RPL13A: variants seen among roughly 807,000 people sequenced by gnomAD.
The protein encoded by RPL13A is ribosomal protein L13a.
A neutral mutation model predicts 30.8 loss-of-function variants in RPL13A; 4 were observed. The ratio of observed to expected loss-of-function variants is 0.13; its 90% CI spans 0.06 to 0.30. RPL13A has a LOEUF of 0.30. Ranked by LOEUF, RPL13A falls within the 10% of genes least tolerant of loss-of-function variation. RPL13A has a pLI of 1.00. For synonymous variants in RPL13A, 108 were observed against 104.2 expected (o/e 1.04, Z -0.22); for missense variants, 196 against 272.6 (o/e 0.72, Z 1.98).
chr19:49,487,669 C>G (rs1191569538), intron 1 of RPL13A, 25 bp downstream of exon 1: 2 of 1,518,350 alleles, frequency 1.3e-6, no homozygotes, highest in South Asian at 2.5e-5. Context: ...CGGGCCGGGG[C>G]GGCAAGGGGC....
In RPL13A at chr19:49,490,935, T is replaced by C. The variant is rs755712998; in HGVS notation, c.342+71T>C. The C allele has an allele frequency of 2.5e-6, 4 of 1,602,202 alleles. No individual in the cohort carries two copies. The East Asian group carries it at 6.7e-5, about 27-fold the overall frequency. On this transcript the variant is annotated intron_variant, in intron 5 of 7. Transcript: ENST00000391857. Reference sequence around the variant, plus strand: ...CCATGATGTTCCGCAACTACCTACATTGTTTGATCCTCATGAAAGCAGCAC... The same window carrying C: ...CCATGATGTTCCGCAACTACCTACACTGTTTGATCCTCATGAAAGCAGCAC...
chr19:49,491,418 C>T lies in RPL13A; in HGVS notation c.403-7C>T, dbSNP rs748021539. The T allele has an allele frequency of 1.2e-5, 14 of 1,168,038 alleles. 1 individual carries two copies. Among genetic ancestry groups the T allele is most frequent in the Admixed American group, 2.4e-5 (1 of 42,274 alleles). The allele number at this position is 1,168,038 out of a possible 1,614,324, so 72.4% of individuals were successfully genotyped here. ...CATTTGTTCACCCCCCCCCCCCCCC[C>T]CCGCAGTTTGCCTATCTGGGGCGCC... On this transcript the variant is annotated splice_region_variant and splice_polypyrimidine_tract_variant and intron_variant, in intron 6 of 7. Transcript: ENST00000391857.
At position 49,487,640 on chromosome 19, in the gene RPL13A, T is replaced by G. The variant is rs973660731; in HGVS notation, c.11T>G (p.Val4Gly). ...AAGCGGCTGCCGAAGATGGCGGAGG[T>G]GCAGGTATGGGCTCCGCGCGGGCCG... is the stretch of plus-strand genomic sequence containing the variant. Reference protein sequence around the residue: MAEVQVLVLDGRGH... With the variant: MAEGQVLVLDGRGH... The change falls in exon 1 of 8, where the codon GTG becomes GGG. Residue 4 changes from valine (V) to glycine (G), a missense_variant. Val to Gly is a moderately radical substitution (Grantham distance 109). Coordinates refer to ENST00000391857, the MANE Select transcript of RPL13A (RefSeq NM_012423.4). 1.3e-6 allele frequency: 2 copies of G among 1,570,126 alleles called. No homozygotes were observed. The highest frequency in any genetic ancestry group is 3.8e-5 in the Admixed American group (2 of 52,662).
At chr19:49,487,828 G>A (rs1465540066) in intron 1 of RPL13A, among the ~76,000 whole-genome samples, 184 bp downstream of exon 1, 1 of 152,234 alleles carries the variant, frequency 6.6e-6, no homozygotes. Context: ...CCTAGGGTTG[G>A]CTACAATGTG....
chr19:49,491,905 C>A lies in RPL13A; in HGVS notation c.*90C>A. On this transcript the variant is annotated 3_prime_UTR_variant, in exon 8 of 8. Coordinates refer to ENST00000391857, the MANE Select transcript of RPL13A (RefSeq NM_012423.4). ...TACGGGACCCAGGGGCAGCAGCAGT[C>A]CAGGTGCCACAGGCAGCCCTGGGAC... 3.9e-6 allele frequency: 4 copies of A among 1,017,928 alleles called. No individual in the cohort carries two copies. Among genetic ancestry groups the A allele is most frequent in the Non-Finnish European group, 5.9e-6 (4 of 673,636 alleles). The allele number at this position is 1,017,928 out of a possible 1,614,324, so 63.1% of individuals were successfully genotyped here.
intron 5 of RPL13A, 33 bp from the exon 6 acceptor site, chr19:49,491,007 C>T (rs1160107582): frequency 6.2e-7 from 1 of 1,613,770 alleles, no homozygotes; most frequent in Non-Finnish European, 8.5e-7. Context: ...TCTGTCCCTC[C>T]CGGGCTCTTA....
At position 49,490,843 on chromosome 19, in the gene RPL13A, C is replaced by T. The variant is rs2079859405; in HGVS notation, c.321C>T (p.Gly107=). The change falls in exon 5 of 8, where the codon GGC becomes GGT. Residue 107 remains glycine (G), a synonymous_variant. Transcript: ENST00000391857. ...TGGACCGTCTCAAGGTGTTTGACGG[C>T]ATCCCACCGCCCTACGACAAGGTGA... ...AALDRLKVFD[G]IPPPYDKKKR... is the part of the protein sequence containing the mutation. The T allele has an allele frequency of 6.2e-7, 1 of 1,614,006 alleles. No individual in the cohort carries two copies. The highest frequency in any genetic ancestry group is 1.3e-5 in the African/African-American group (1 of 74,938).
Position 49,491,278 on chromosome 19 carries a change from T to C in RPL13A, c.403-147T>C, listed in dbSNP as rs572695777. ...GCCAGGAGGCTTGGGTGGGTGCTTT[T>C]CTAACAGGCCTGCAGAGAACAGTTG... On this transcript the variant is annotated intron_variant, in intron 6 of 7. Transcript: ENST00000391857. The C allele has an allele frequency of 1.2e-5, 14 of 1,169,472 alleles. No homozygotes were observed. The Admixed American group carries it at 1.5e-4, about 13-fold the overall frequency. The allele number at this position is 1,169,472 out of a possible 1,614,324, so 72.4% of individuals were successfully genotyped here. A position where few individuals can be genotyped will look rare whatever the true frequency, so the allele number is the denominator to read the frequency against.
rs933114870 is a variant in RPL13A, at chr19:49,489,717, A to G, written c.16-133A>G. 5 of 756,668 alleles carry G rather than the reference A, an allele frequency of 6.6e-6. No homozygotes were observed. In the African/African-American group the frequency reaches 6.8e-5, roughly 10 times the overall value. The allele number at this position is 756,668 out of a possible 1,614,324, so 46.9% of individuals were successfully genotyped here. A position where few individuals can be genotyped will look rare whatever the true frequency, so the allele number is the denominator to read the frequency against. Reference sequence around the variant, plus strand: ...TCATCTGTAGAACGGGGCTCCGTGCATAGTTCCCAGCTCTGATGGCTGGGT... The same window carrying G: ...TCATCTGTAGAACGGGGCTCCGTGCGTAGTTCCCAGCTCTGATGGCTGGGT... On this transcript the variant is annotated intron_variant, in intron 1 of 7. Coordinates refer to ENST00000391857, the MANE Select transcript of RPL13A (RefSeq NM_012423.4).
At chr19:49,488,383 T>A (rs752521316) in intron 1 of RPL13A, among the ~76,000 whole-genome samples, 32 of 152,206 alleles carry the variant, frequency 2.1e-4, no homozygotes, top group Non-Finnish European at 3.4e-4. Flanking sequence ...CTGGAAAGGT[T>A]TCTTTGTGAG....
At chr19:49,490,352 GCT>G in intron 3 of RPL13A, 55 bp downstream of exon 3, 1 of 1,598,536 alleles carries the variant, frequency 6.3e-7, no homozygotes, top group South Asian at 1.1e-5. Flanking sequence ...GGGTGTTGAG[GCT>G]CTGAAAGCAA....
In RPL13A at chr19:49,491,915, C is replaced by G; in HGVS notation, c.*100C>G. 1.1e-6 allele frequency: 1 copy of G among 922,100 alleles called. No individual in the cohort carries two copies. Among genetic ancestry groups the G allele is most frequent in the Non-Finnish European group, 1.7e-6 (1 of 589,878 alleles). 57.1% of individuals were successfully genotyped at this position (922,100 alleles called of 1,614,324 possible). A position where few individuals can be genotyped will look rare whatever the true frequency, so the allele number is the denominator to read the frequency against. On this transcript the variant is annotated 3_prime_UTR_variant, in exon 8 of 8. Coordinates refer to ENST00000391857, the MANE Select transcript of RPL13A (RefSeq NM_012423.4). ...AGGGGCAGCAGCAGTCCAGGTGCCACAGGCAGCCCTGGGACATAGGAAGCT... is the reference window on the plus strand; with the variant it reads ...AGGGGCAGCAGCAGTCCAGGTGCCAGAGGCAGCCCTGGGACATAGGAAGCT...
chr19:49,489,650 T>C (rs2079844302), intron 1 of RPL13A, among the ~76,000 whole-genome samples, 200 bp from the exon 2 acceptor site: 1 of 152,250 alleles, frequency 6.6e-6, no homozygotes, highest in Admixed American at 6.5e-5. Flanking sequence ...AACTGCTCAC[T>C]CACTGATCCT....
intron 1 of RPL13A, among the ~76,000 whole-genome samples, chr19:49,489,268 C>A (rs1357512285): frequency 6.6e-6 from 1 of 152,054 alleles, no homozygotes; most frequent in African/African-American, 2.4e-5. Flanking sequence ...GGCCGAGGCA[C>A]ACGGTTCACT....
intron 1 of RPL13A, among the ~76,000 whole-genome samples, chr19:49,489,519 T>C (rs1185355608): frequency 2.0e-5 from 3 of 152,160 alleles, no homozygotes; most frequent in African/African-American, 7.2e-5. Flanking sequence ...GTCTTGTAAC[T>C]GGGTAGTCAG....
chr19:49,490,737 TATG>T (rs912771377), intron 4 of RPL13A, 39 bp from the exon 5 acceptor site: 2 of 1,608,460 alleles, frequency 1.2e-6, no homozygotes, highest in African/African-American at 2.7e-5. Context: ...TGGGCATCCT[TATG>T]AGGCCCTCTG....
At chr19:49,488,464 T>C (rs2068743418) in intron 1 of RPL13A, among the ~76,000 whole-genome samples, 1 of 152,212 alleles carries the variant, frequency 6.6e-6, no homozygotes, top group Admixed American at 6.5e-5. Flanking sequence ...ACCAAGCATG[T>C]GTCTTTGTGC....
At chr19:49,488,499 G>T (rs146644364) in intron 1 of RPL13A, among the ~76,000 whole-genome samples, 3 of 152,196 alleles carry the variant, frequency 2.0e-5, no homozygotes, top group Admixed American at 6.5e-5. Flanking sequence ...AATGTTTTGC[G>T]TAGTTCAGTT....
chr19:49,490,066 G>C (rs1291555763), intron 2 of RPL13A, 144 bp downstream of exon 2: 2 of 1,006,270 alleles, frequency 2.0e-6, no homozygotes, highest in East Asian at 4.7e-5. Context: ...CTCTTCCCCA[G>C]GGTTGGGGAC....
Sources: gnomAD v4.1 joint callset for allele counts (sites outside exome capture counted in the v4.1 genomes callset) on GRCh38, gnomAD v4.1.1 for gene constraint, MANE v1.5 for transcripts, NCBI Gene and HGNC (gene_info 2026-07-23, HGNC 2026-07-21) for gene names.